Variants in COL4A6 observed in about 807,000 individuals in gnomAD.
COL4A6 encodes collagen alpha-6(IV) chain.
COL4A6 carries 59 observed loss-of-function variants against 126.7 expected under a neutral mutation model. The observed-to-expected ratio is 0.47, with a 90% CI of 0.38 to 0.58. The LOEUF is 0.58. COL4A6 is among the 20% of genes least tolerant of loss of function. The pLI is 0.00. For missense variants in COL4A6, 1,285 were observed against 1,337.3 expected (o/e 0.96, Z 0.61); for synonymous variants, 547 against 496.6 (o/e 1.10, Z -1.35).
chrX:108,176,916 G>T lies in COL4A6; in HGVS notation c.2611C>A (p.Pro871Thr). ...CTTCCTTTCAGTCCTACTAGGCCTG[G>T]ATTTCCAGGAAGGCCTTTTAGCCCT... ...LPGLKGLPGN[P>T]GLVGLKGSPG... The change falls in exon 28 of 45, where the codon CCA (proline) becomes ACA (threonine). Residue 871 changes from proline (P) to threonine (T), a missense_variant. Transcript: ENST00000334504. 8.3e-7 allele frequency: 1 copy of T among 1,211,754 alleles called. No homozygotes were observed. The highest frequency in any genetic ancestry group is 1.8e-5 in the South Asian group (1 of 56,989).
chrX:108,343,208 G>A (rs6622313), intron 2 of COL4A6, among the ~76,000 whole-genome samples: 3,510 of 91,647 alleles, frequency 0.038, 78 homozygotes, highest in South Asian at 0.15. Context: ...GTGTGTGTAT[G>A]TACAAAGGCT....
chrX:108,225,095 GT>G (rs1465185579), intron 3 of COL4A6, among the ~76,000 whole-genome samples: 1 of 110,823 alleles, frequency 9.0e-6, no homozygotes, highest in East Asian at 2.9e-4. Flanking sequence ...ACTTGTTTAG[GT>G]CACGTAGCTA....
intron 37 of COL4A6, among the ~76,000 whole-genome samples, chrX:108,168,824 G>C (rs1282230231): frequency 9.0e-6 from 1 of 111,720 alleles, no homozygotes; most frequent in Non-Finnish European, 1.9e-5. Context: ...ATGCTATGGT[G>C]AATTCATTTC....
At chrX:108,176,043 C>T (rs2034476166) in intron 28 of COL4A6, among the ~76,000 whole-genome samples, 1 of 110,856 alleles carries the variant, frequency 9.0e-6, no homozygotes, top group Non-Finnish European at 1.9e-5. Context: ...GGGCTCCTCT[C>T]GGCCGGGCAC....
At chrX:108,196,831 T>C (rs2035235107) in intron 13 of COL4A6, among the ~76,000 whole-genome samples, 1 of 112,370 alleles carries the variant, frequency 8.9e-6, no homozygotes, top group African/African-American at 3.2e-5. Context: ...ATTTATAGTA[T>C]CATGGGCTAA....
At chrX:108,283,595 G>A (rs1419240514) in intron 3 of COL4A6, among the ~76,000 whole-genome samples, 1 of 109,496 alleles carries the variant, frequency 9.1e-6, no homozygotes, top group Admixed American at 9.8e-5. Flanking sequence ...TTTTGGGGGG[G>A]GGTTGGCGGC....
intron 2 of COL4A6, among the ~76,000 whole-genome samples, chrX:108,345,879 G>A (rs750883360): frequency 1.8e-5 from 2 of 111,613 alleles, no homozygotes; most frequent in East Asian, 5.7e-4. Context: ...CTTTGCCCAG[G>A]TACCACTGCA....
At chrX:108,422,554 G>C (rs749585546) in intron 2 of COL4A6, among the ~76,000 whole-genome samples, 4 of 111,150 alleles carry the variant, frequency 3.6e-5, no homozygotes, top group African/African-American at 1.3e-4. Context: ...ACTTCCAGAG[G>C]AATATACACA....
At chrX:108,259,657 T>C (rs2037106976) in intron 3 of COL4A6, among the ~76,000 whole-genome samples, 3 of 112,030 alleles carry the variant, frequency 2.7e-5, no homozygotes, top group Non-Finnish European at 5.6e-5. Flanking sequence ...TAAGGTCCCT[T>C]TCAGCTCTAG....
intron 2 of COL4A6, among the ~76,000 whole-genome samples, chrX:108,425,267 G>A (rs1236455406): frequency 2.8e-5 from 3 of 108,351 alleles, no homozygotes; most frequent in African/African-American, 1.0e-4. Context: ...CAAAGAGAGC[G>A]TGAATTATGT....
chrX:108,300,742 T>A (rs1237263820), intron 3 of COL4A6, among the ~76,000 whole-genome samples: 1 of 109,746 alleles, frequency 9.1e-6, no homozygotes. Flanking sequence ...TGTGTGTGTG[T>A]GTGTGTGTGT....
intron 2 of COL4A6, among the ~76,000 whole-genome samples, chrX:108,425,257 C>T (rs1487011579): frequency 9.4e-6 from 1 of 106,235 alleles, no homozygotes; most frequent in Admixed American, 1.0e-4. Context: ...AGGAGAGAGA[C>T]AAAGAGAGCG....
intron 3 of COL4A6, chrX:108,267,941 A>T (rs1273747877): frequency 8.9e-6 from 1 of 112,758 alleles, no homozygotes; most frequent in Non-Finnish European, 1.9e-5. Flanking sequence ...TTATACTCAT[A>T]TTTCACAAAT....
At chrX:108,363,876 C>T (rs1214098979) in intron 2 of COL4A6, among the ~76,000 whole-genome samples, 2 of 109,548 alleles carry the variant, frequency 1.8e-5, no homozygotes, top group African/African-American at 6.6e-5. Context: ...AGCCCCCCAC[C>T]TTTTTTTTTC....
In COL4A6 at chrX:108,187,079, C is replaced by G; in HGVS notation, c.1951+17G>C. On this transcript the variant is annotated intron_variant, in intron 23 of 44. Coordinates refer to ENST00000334504, the MANE Select transcript of COL4A6 (RefSeq NM_033641.4). ...GTCAAATTTCCAAGTCCAAAGCCAT[C>G]TGATTCTATGACTCACCCTTAGATC... 1 of 1,108,876 alleles carries G rather than the reference C, an allele frequency of 9.0e-7. No homozygotes were observed. The highest frequency in any genetic ancestry group is 1.2e-6 in the Non-Finnish European group (1 of 837,146). The allele number at this position is 1,108,876 out of a possible 1,213,427, so 91.4% of individuals were successfully genotyped here. A position where few individuals can be genotyped will look rare whatever the true frequency, so the allele number is the denominator to read the frequency against.
chrX:108,334,019 C>T (rs1209076142), intron 2 of COL4A6, among the ~76,000 whole-genome samples: 2 of 111,330 alleles, frequency 1.8e-5, no homozygotes, highest in African/African-American at 6.5e-5. Context: ...TTATCAATGT[C>T]ATTTTTCACA....
At position 108,292,455 on chromosome X, in the gene COL4A6, A is replaced by G. The variant is rs926704279; in HGVS notation, c.144+18293T>C. ...GCCGCCTCTTAGAAAGATTGTTATCATTTCCTTTATTAGGAGTTTATGAAG... is the reference window on the plus strand; with the variant it reads ...GCCGCCTCTTAGAAAGATTGTTATCGTTTCCTTTATTAGGAGTTTATGAAG... On this transcript the variant is annotated intron_variant, in intron 3 of 44. Transcript: ENST00000334504. Among the ~76,000 whole-genome samples, 6 of 112,007 alleles carry G rather than the reference A, an allele frequency of 5.4e-5. No homozygotes were observed. The South Asian group carries it at 1.1e-3, about 21-fold the overall frequency.
At chrX:108,229,991 G>A (rs992587798) in intron 3 of COL4A6, among the ~76,000 whole-genome samples, 1 of 112,487 alleles carries the variant, frequency 8.9e-6, no homozygotes, top group African/African-American at 3.2e-5. Flanking sequence ...CAAAACAGAG[G>A]AAAGTGCAAA....
At chrX:108,402,781 G>A (rs1329836537) in intron 2 of COL4A6, among the ~76,000 whole-genome samples, 3 of 110,524 alleles carry the variant, frequency 2.7e-5, no homozygotes, top group Non-Finnish European at 3.8e-5. Flanking sequence ...TGTTGTTGAC[G>A]TCATATGGTT....
Sources: gnomAD v4.1 joint callset for allele counts (sites outside exome capture counted in the v4.1 genomes callset) on GRCh38, gnomAD v4.1.1 for gene constraint, MANE v1.5 for transcripts, NCBI Gene and HGNC (gene_info 2026-07-23, HGNC 2026-07-21) for gene names.